Variants in TMEM232 observed in about 807,000 individuals in gnomAD.
TMEM232 encodes transmembrane protein 232.
Under a neutral mutation model 78.8 loss-of-function variants are expected in TMEM232, and 80 were observed. The observed-to-expected ratio is 1.01, with a 90% CI of 0.85 to 1.22. TMEM232 has a LOEUF of 1.22. Among genes scored for constraint, TMEM232 ranks in the 50% most tolerant of loss-of-function variants. The pLI is 0.00. For missense variants in TMEM232, 881 were observed against 742.2 expected (o/e 1.19, Z -2.17); for synonymous variants, 297 against 254.3 (o/e 1.17, Z -1.60).
At chr5:110,651,251 C>G (rs368318750) in intron 2 of TMEM232, among the ~76,000 whole-genome samples, 1 of 151,934 alleles carries the variant, frequency 6.6e-6, no homozygotes, top group East Asian at 1.9e-4. Flanking sequence ...TGAAAGTGAT[C>G]CATGCTGTGA....
chr5:110,584,075 C>G (rs1246806033), intron 10 of TMEM232, among the ~76,000 whole-genome samples: 2 of 151,246 alleles, frequency 1.3e-5, no homozygotes, highest in East Asian at 3.9e-4. Flanking sequence ...ATTACTGCTA[C>G]AGAAAACAGC....
At chr5:110,502,279 G>C (rs1766350035) in intron 12 of TMEM232, among the ~76,000 whole-genome samples, 2 of 152,274 alleles carry the variant, frequency 1.3e-5, no homozygotes, top group South Asian at 4.1e-4. Flanking sequence ...AATTTCTGCA[G>C]TTCCAGGGAC....
At chr5:110,508,977 A>T (rs976550893) in intron 12 of TMEM232, among the ~76,000 whole-genome samples, 4 of 132,628 alleles carry the variant, frequency 3.0e-5, no homozygotes, top group Non-Finnish European at 6.1e-5. Flanking sequence ...TATATATATA[A>T]AATTATATAT....
intron 1 of TMEM232, among the ~76,000 whole-genome samples, chr5:110,720,169 A>T (rs1356581585): frequency 6.6e-6 from 1 of 152,056 alleles, no homozygotes; most frequent in Non-Finnish European, 1.5e-5. Context: ...TCTCCAAGCC[A>T]CTATTCTAGG....
intron 10 of TMEM232, among the ~76,000 whole-genome samples, chr5:110,581,218 A>C (rs1429279509): frequency 6.6e-6 from 1 of 151,984 alleles, no homozygotes; most frequent in East Asian, 1.9e-4. Context: ...AAGCAATCCT[A>C]AGCAAAGAGA....
At chr5:110,717,388 T>C (rs1797123933) in intron 1 of TMEM232, among the ~76,000 whole-genome samples, 1 of 152,120 alleles carries the variant, frequency 6.6e-6, no homozygotes, top group South Asian at 2.1e-4. Flanking sequence ...CCCATGCTGA[T>C]TTGACATGAT....
intron 12 of TMEM232, among the ~76,000 whole-genome samples, chr5:110,445,126 A>G (rs549602988): frequency 1.3e-5 from 2 of 151,662 alleles, no homozygotes; most frequent in East Asian, 3.9e-4. Context: ...GTTTTTTTGG[A>G]CATTTTTTTC....
At chr5:110,474,740 C>A (rs971959444) in intron 12 of TMEM232, among the ~76,000 whole-genome samples, 1 of 151,748 alleles carries the variant, frequency 6.6e-6, no homozygotes, top group Non-Finnish European at 1.5e-5. Flanking sequence ...AAAATCATTG[C>A]TATTTCTTTG....
chr5:110,489,556 T>G (rs1764814197), intron 12 of TMEM232, among the ~76,000 whole-genome samples: 1 of 152,122 alleles, frequency 6.6e-6, no homozygotes, highest in Non-Finnish European at 1.5e-5. Context: ...ACATCACACG[T>G]AATGGTGAAA....
chr5:110,484,567 A>G (rs529656490), intron 12 of TMEM232, among the ~76,000 whole-genome samples: 1 of 152,228 alleles, frequency 6.6e-6, no homozygotes, highest in South Asian at 2.1e-4. Flanking sequence ...AATACATGCT[A>G]TTAACGAGAC....
Position 110,606,269 on chromosome 5 carries a change from A to T in TMEM232, c.921T>A (p.Ala307=). 1 of 1,537,164 alleles carries T rather than the reference A, an allele frequency of 6.5e-7. No individual in the cohort carries two copies. Among genetic ancestry groups the T allele is most frequent in the Non-Finnish European group, 8.8e-7 (1 of 1,137,420 alleles). The change falls in exon 9 of 14, where the codon GCT becomes GCA. Residue 307 remains alanine, a synonymous_variant. Coordinates refer to ENST00000455884, the MANE Select transcript of TMEM232 (RefSeq NM_001039763.4). The part of the protein sequence containing the change: ...QKKCWLDSVL[A]LLVLGEAAKL... ...TGGCAGCCTCCCCAAGGACCAGTAA[A>T]GCCAGTACTGAATCCAACCTGAAAA...
Position 110,694,223 on chromosome 5 carries a change from G to C in TMEM232, c.-12-26859C>G, listed in dbSNP as rs1794490148. 2.0e-5 allele frequency among the ~76,000 whole-genome samples: 3 copies of C among 152,108 alleles called. No homozygotes were observed. The South Asian group carries it at 6.2e-4, about 31-fold the overall frequency. ...CAAACTAAGTTTCATAAGTGAAGGAGAAATAAAATACTTTACAGACAAGCA... is the reference window on the plus strand; with the variant it reads ...CAAACTAAGTTTCATAAGTGAAGGACAAATAAAATACTTTACAGACAAGCA... On this transcript the variant is annotated intron_variant, in intron 1 of 13. Transcript: ENST00000455884.
chr5:110,685,064 A>G (rs1479424885), intron 1 of TMEM232: 1 of 152,162 alleles, frequency 6.6e-6, no homozygotes, highest in Admixed American at 6.6e-5. Flanking sequence ...TAACAAAAGG[A>G]TAAATTAACT....
In TMEM232 at chr5:110,710,627, C is replaced by T. The variant is rs553153492; in HGVS notation, c.-13+16000G>A. The stretch of plus-strand genomic sequence containing the variant: ...ATCAATGTGACACACTATATCAACA[C>T]AATAAAGGACAAAAACGATACAATT... On this transcript the variant is annotated intron_variant, in intron 1 of 13. Transcript: ENST00000455884. Among the ~76,000 whole-genome samples, 34 of 152,110 alleles carry T rather than the reference C, an allele frequency of 2.2e-4. No individual in the cohort carries two copies. In the South Asian group the frequency reaches 6.8e-3, roughly 31 times the overall value.
chr5:110,402,157 ATTGC>A (rs1249596255), intron 2 of TMEM232, among the ~76,000 whole-genome samples: 2 of 152,104 alleles, frequency 1.3e-5, no homozygotes, highest in Non-Finnish European at 2.9e-5. Context: ...CGTTTGCATC[ATTGC>A]TCATTTCCTA....
intron 1 of TMEM232, among the ~76,000 whole-genome samples, chr5:110,692,359 A>G (rs1408543809): frequency 1.3e-5 from 2 of 152,240 alleles, no homozygotes; most frequent in Non-Finnish European, 2.9e-5. Flanking sequence ...TCCAGTCTAC[A>G]GCTCCCAAAG....
At chr5:110,415,114 G>A (rs1306960773), downstream of TMEM232, among the ~76,000 whole-genome samples, 3 of 151,748 alleles carry the variant, frequency 2.0e-5, no homozygotes, top group Non-Finnish European at 2.9e-5. Flanking sequence ...CTATTTACAT[G>A]TTTCTAGCCC....
chr5:110,465,186 G>A (rs1761943496), intron 12 of TMEM232, among the ~76,000 whole-genome samples: 1 of 152,218 alleles, frequency 6.6e-6, no homozygotes, highest in Non-Finnish European at 1.5e-5. Context: ...GGGAAAACCA[G>A]GTTGAGAAGA....
intron 10 of TMEM232, among the ~76,000 whole-genome samples, chr5:110,581,628 C>T (rs1778218486): frequency 6.6e-6 from 1 of 151,748 alleles, no homozygotes; most frequent in Non-Finnish European, 1.5e-5. Flanking sequence ...ATGATGAAGA[C>T]ACCAATAGCA....
Sources: allele counts gnomAD v4.1 joint callset (sites outside exome capture counted in the v4.1 genomes callset), GRCh38; gene constraint gnomAD v4.1.1; transcripts MANE v1.5; gene names NCBI Gene and HGNC (gene_info 2026-07-23, HGNC 2026-07-21).